Variants in DSE observed in about 807,000 individuals in gnomAD.
DSE encodes dermatan sulfate epimerase.
Under a neutral mutation model 84.4 loss-of-function variants are expected in DSE, and 36 were observed. The observed-to-expected ratio is 0.43, with a 90% CI of 0.33 to 0.56. The LOEUF (loss-of-function observed/expected upper bound fraction) is 0.56, where lower values mean the gene tolerates loss of function less well. Ranked by LOEUF, DSE falls within the 20% of genes least tolerant of loss-of-function variation. The pLI is 0.06. For synonymous variants in DSE, 410 were observed against 430.1 expected (o/e 0.95, Z 0.58); for missense variants, 862 against 1,169.6 (o/e 0.74, Z 3.84).
intron 2 of DSE, among the ~76,000 whole-genome samples, chr6:116,301,334 C>T (rs1775027603): frequency 6.6e-6 from 1 of 152,146 alleles, no homozygotes; most frequent in Non-Finnish European, 1.5e-5. Context: ...ATGGGGACTT[C>T]CTGAAAGCCT....
chr6:116,338,812 G>A (rs1039936899), intron 2 of DSE, among the ~76,000 whole-genome samples: 8 of 152,146 alleles, frequency 5.3e-5, no homozygotes, highest in African/African-American at 1.2e-4. Context: ...TTATTAAAAC[G>A]AAGCAACTTC....
chr6:116,356,876 C>G (rs1235008911), intron 2 of DSE, among the ~76,000 whole-genome samples: 1 of 152,200 alleles, frequency 6.6e-6, no homozygotes, highest in Non-Finnish European at 1.5e-5. Flanking sequence ...GCTGTAGTCT[C>G]TGCTCACCAG....
At chr6:116,378,702 T>C (rs1256942020) in intron 1 of DSE, among the ~76,000 whole-genome samples, 1 of 152,204 alleles carries the variant, frequency 6.6e-6, no homozygotes, top group Non-Finnish European at 1.5e-5. Flanking sequence ...CATCATGTAG[T>C]GATTGTCACA....
chr6:116,302,191 G>A (rs994260947), intron 2 of DSE, among the ~76,000 whole-genome samples: 4 of 152,100 alleles, frequency 2.6e-5, no homozygotes, highest in African/African-American at 4.8e-5. Flanking sequence ...TCTGTTTCTC[G>A]ATCCTTGAGG....
At chr6:116,287,139 G>T (rs975869928) in intron 2 of DSE, among the ~76,000 whole-genome samples, 2 of 151,986 alleles carry the variant, frequency 1.3e-5, no homozygotes, top group African/African-American at 4.8e-5. Flanking sequence ...AATAATTTAT[G>T]CCTGGCTTGA....
chr6:116,282,625 A>C (rs771595492), intron 2 of DSE, among the ~76,000 whole-genome samples: 3 of 152,214 alleles, frequency 2.0e-5, no homozygotes, highest in Non-Finnish European at 4.4e-5. Context: ...GAATATATAG[A>C]GAACGTGATT....
chr6:116,369,057 C>T (rs1045678277), upstream of DSE, among the ~76,000 whole-genome samples: 1 of 152,144 alleles, frequency 6.6e-6, no homozygotes, highest in African/African-American at 2.4e-5. Flanking sequence ...TCAGTACTAC[C>T]TCCTTTGAAG....
At chr6:116,283,996 T>C (rs1029835447) in intron 2 of DSE, among the ~76,000 whole-genome samples, 1 of 152,218 alleles carries the variant, frequency 6.6e-6, no homozygotes. Context: ...TTTTGCACTT[T>C]AAAATATAGG....
chr6:116,290,130 A>G (rs1256846372), intron 2 of DSE, among the ~76,000 whole-genome samples: 1 of 152,100 alleles, frequency 6.6e-6, no homozygotes, highest in Non-Finnish European at 1.5e-5. Flanking sequence ...TGGAGTATGG[A>G]TATAAACCCA....
chr6:116,428,695 T>A (rs1783608278), intron 3 of DSE, among the ~76,000 whole-genome samples: 1 of 152,210 alleles, frequency 6.6e-6, no homozygotes, highest in South Asian at 2.1e-4. Context: ...ACACCATAGT[T>A]ACAGTAACCC....
At chr6:116,370,300 T>C, upstream of DSE, 1 of 248,382 alleles carries the variant, frequency 4.0e-6, no homozygotes. Flanking sequence ...TCTGTTCCGT[T>C]TGCAGGGTTC....
chr6:116,279,444 C>T (rs1489526491), intron 2 of DSE: 2 of 1,613,498 alleles, frequency 1.2e-6, no homozygotes, highest in Admixed American at 3.3e-5. Flanking sequence ...CTAGGGCCTT[C>T]TCTCCACCCT....
chr6:116,294,347 T>G (rs1196242485), intron 2 of DSE, among the ~76,000 whole-genome samples: 1 of 152,176 alleles, frequency 6.6e-6, no homozygotes, highest in Admixed American at 6.6e-5. Flanking sequence ...ATGGAACACT[T>G]AGAAGCAGGG....
chr6:116,405,127 T>C (rs1385941951), intron 2 of DSE, among the ~76,000 whole-genome samples: 1 of 152,072 alleles, frequency 6.6e-6, no homozygotes, highest in Non-Finnish European at 1.5e-5. Context: ...GTCTCTAGCA[T>C]ATTGAAATGA....
Position 116,438,538 on chromosome 6 carries a change from A to G in DSE, c.*1193A>G, listed in dbSNP as rs769150112. ...GCATAAAATTTTCAATCAACTCCTC[A>G]GAAGGTAACAGCAGCATAGAATACT... On this transcript the variant is annotated 3_prime_UTR_variant, in exon 6 of 6. Coordinates refer to ENST00000644252, the MANE Select transcript of DSE (RefSeq NM_013352.4). 6.6e-6 allele frequency: 1 copy of G among 152,208 alleles called. No individual in the cohort carries two copies. The highest frequency in any genetic ancestry group is 2.4e-5 in the African/African-American group (1 of 41,466). 9.4% of individuals were successfully genotyped at this position (152,208 alleles called of 1,614,324 possible).
intron 2 of DSE, among the ~76,000 whole-genome samples, chr6:116,271,184 G>A (rs989734926): frequency 2.6e-5 from 4 of 152,240 alleles, no homozygotes; most frequent in Admixed American, 2.6e-4. Context: ...AGCAGAAGCA[G>A]CAGCTGAGTT....
intron 4 of DSE, chr6:116,432,983 T>C: frequency 4.5e-6 from 1 of 221,474 alleles, no homozygotes; most frequent in Non-Finnish European, 9.1e-6. Context: ...TAGTGTTCAT[T>C]CCAGGTTCAG....
chr6:116,277,784 C>T (rs1359494569), intron 2 of DSE: 1 of 152,002 alleles, frequency 6.6e-6, no homozygotes, highest in Non-Finnish European at 1.5e-5. Flanking sequence ...CGCCTGTAGT[C>T]CCAGCTACTC....
At chr6:116,310,032 G>A (rs1775591591) in intron 2 of DSE, among the ~76,000 whole-genome samples, 1 of 152,078 alleles carries the variant, frequency 6.6e-6, no homozygotes, top group African/African-American at 2.4e-5. Context: ...AGAGTTTACT[G>A]AATATTTATT....
Sources: gnomAD v4.1 joint callset for allele counts (sites outside exome capture counted in the v4.1 genomes callset) on GRCh38, gnomAD v4.1.1 for gene constraint, MANE v1.5 for transcripts, NCBI Gene and HGNC (gene_info 2026-07-23, HGNC 2026-07-21) for gene names.